The following SLC25A25 variants were observed in gnomAD, a reference collection of about 807,000 sequenced individuals.
SLC25A25 encodes mitochondrial adenyl nucleotide antiporter SLC25A25.
Under a neutral mutation model 57.7 loss-of-function variants are expected in SLC25A25, and 32 were observed. That is an observed-to-expected ratio of 0.55 (90% CI 0.42 to 0.74). SLC25A25 has a LOEUF of 0.74. Ranked by LOEUF, SLC25A25 falls within the 30% of genes least tolerant of loss-of-function variation. The pLI, the probability that SLC25A25 is intolerant of heterozygous loss-of-function variation, is 0.00. For missense variants in SLC25A25, 556 were observed against 701.3 expected (o/e 0.79, Z 2.34); for synonymous variants, 306 against 291.2 (o/e 1.05, Z -0.52).
chr9:128,078,740 A>C (rs976389154), intron 1 of SLC25A25, among the ~76,000 whole-genome samples: 1 of 152,182 alleles, frequency 6.6e-6, no homozygotes, highest in Non-Finnish European at 1.5e-5. Flanking sequence ...ACTAACCAGC[A>C]TTACTTTGCA....
intron 1 of SLC25A25, among the ~76,000 whole-genome samples, chr9:128,083,379 C>G (rs1833198891): frequency 6.6e-6 from 1 of 151,928 alleles, no homozygotes; most frequent in African/African-American, 2.4e-5. Flanking sequence ...CAGTCCTCAT[C>G]AAATCAATCA....
intron 1 of SLC25A25, among the ~76,000 whole-genome samples, chr9:128,093,918 G>A (rs1422572850): frequency 6.6e-6 from 1 of 152,182 alleles, no homozygotes; most frequent in East Asian, 1.9e-4. Flanking sequence ...GGGAGTCTGA[G>A]GTGGACAGAT....
chr9:128,069,221 C>T (rs1832847805), intron 1 of SLC25A25, among the ~76,000 whole-genome samples: 4 of 152,084 alleles, frequency 2.6e-5, no homozygotes, highest in African/African-American at 7.2e-5. Context: ...AAAGTCAAAG[C>T]GAGATTGTTA....
At chr9:128,104,866 T>C (rs962315228) in intron 6 of SLC25A25, among the ~76,000 whole-genome samples, 2 of 143,242 alleles carry the variant, frequency 1.4e-5, no homozygotes, top group African/African-American at 5.1e-5. Flanking sequence ...ATTATTATTA[T>C]TATATTTTTT....
chr9:128,087,263 A>G (rs969415284), intron 1 of SLC25A25, among the ~76,000 whole-genome samples: 1 of 151,678 alleles, frequency 6.6e-6, no homozygotes, highest in Admixed American at 6.6e-5. Flanking sequence ...ATTTTATTGT[A>G]TTTTATTTTT....
rs1588778869 is a variant in SLC25A25 at position 128,099,144 on chromosome 9, T to A, written c.262-1952T>A. ...TGTGGGGGTGAGGGAGCCTCCCGCC[T>A]TCTCGACTCTCAGACATCGCTGTGG... On this transcript the variant is annotated intron_variant, in intron 1 of 10. Coordinates refer to ENST00000373069, the MANE Select transcript of SLC25A25 (RefSeq NM_001330988.2). The surrounding 1 kb of genome is among the most constrained non-coding windows in gnomAD (Gnocchi z 6.8). The A allele has an allele frequency of 8.2e-7, 1 of 1,224,750 alleles. No homozygotes were observed. Among genetic ancestry groups the A allele is most frequent in the East Asian group, 6.1e-5 (1 of 16,412 alleles). 75.9% of individuals were successfully genotyped at this position (1,224,750 alleles called of 1,614,324 possible). A position where few individuals can be genotyped will look rare whatever the true frequency, so the allele number is the denominator to read the frequency against.
At chr9:128,090,748 G>T (rs1420017275) in intron 1 of SLC25A25, among the ~76,000 whole-genome samples, 1 of 152,170 alleles carries the variant, frequency 6.6e-6, no homozygotes, top group Non-Finnish European at 1.5e-5. Flanking sequence ...GGAGGTGGAG[G>T]TTGCGTTGAG....
intron 1 of SLC25A25, chr9:128,098,608 C>G (rs1172965253): frequency 6.2e-7 from 1 of 1,614,112 alleles, no homozygotes; most frequent in East Asian, 2.2e-5. Flanking sequence ...TCGGGGAAGC[C>G]CAGACCGAGT....
intron 1 of SLC25A25, among the ~76,000 whole-genome samples, chr9:128,070,502 A>G (rs1832881381): frequency 6.6e-6 from 1 of 151,294 alleles, no homozygotes; most frequent in African/African-American, 2.4e-5. Flanking sequence ...CGGCCTCCCA[A>G]AGTGTTGGGA....
Position 128,102,814 on chromosome 9 carries a change from A to G in SLC25A25, c.624+333A>G, listed in dbSNP as rs2130821021. The stretch of plus-strand genomic sequence containing the variant: ...TGTCTGTTCTCCCAAAGCTGGTATG[A>G]GCCTTCCCCCCGGTGGGAGGGGGCT... On this transcript the variant is annotated intron_variant, in intron 5 of 10. Coordinates refer to ENST00000373069, the MANE Select transcript of SLC25A25 (RefSeq NM_001330988.2). This position sits in a 1 kb window ranked among gnomAD's most constrained non-coding sequence, Gnocchi z 4.1. 6.6e-6 allele frequency among the ~76,000 whole-genome samples: 1 copy of G among 152,238 alleles called. No homozygotes were observed. The highest frequency in any genetic ancestry group is 1.9e-4 in the East Asian group (1 of 5,180).
intron 1 of SLC25A25, chr9:128,094,539 A>G (rs1313596961): frequency 2.6e-5 from 4 of 152,196 alleles, no homozygotes; most frequent in Non-Finnish European, 5.9e-5. Context: ...ACAGCCGCCA[A>G]TGAGGTTTGA....
chr9:128,090,269 A>G (rs942902736), intron 1 of SLC25A25, among the ~76,000 whole-genome samples: 1 of 152,028 alleles, frequency 6.6e-6, no homozygotes, highest in Middle Eastern at 3.4e-3. Context: ...CTGGAGTGCA[A>G]TGGTGCAATC....
intron 1 of SLC25A25, among the ~76,000 whole-genome samples, chr9:128,070,236 G>A (rs1165614464): frequency 6.6e-6 from 1 of 151,520 alleles, no homozygotes; most frequent in African/African-American, 2.4e-5. Context: ...GACTACAGGT[G>A]CCCGCCACCA....
intron 1 of SLC25A25, chr9:128,098,578 G>A: frequency 1.2e-6 from 2 of 1,614,074 alleles, no homozygotes; most frequent in Non-Finnish European, 1.7e-6. Context: ...TGCTCTGTCT[G>A]TGCCTGTATG....
Position 128,094,888 on chromosome 9 carries a change from T to TG in SLC25A25, c.262-6207dup, listed in dbSNP as rs542455159. Among the ~76,000 whole-genome samples the TG allele has an allele frequency of 7.9e-5, 12 of 152,338 alleles. No homozygotes were observed. In the East Asian group the frequency reaches 2.3e-3, roughly 29 times the overall value. ...CACTGAATCCTAAGGGACCTAGTGT[T>TG]GCTGTCACTGTTTCCGAATACTAGT... On this transcript the variant is annotated intron_variant, in intron 1 of 10. Coordinates refer to ENST00000373069, the MANE Select transcript of SLC25A25 (RefSeq NM_001330988.2).
Position 128,102,484 on chromosome 9 carries a change from G to A in SLC25A25, c.624+3G>A. 2 of 1,611,626 alleles carry A rather than the reference G, an allele frequency of 1.2e-6. No individual in the cohort carries two copies. Among genetic ancestry groups the A allele is most frequent in the South Asian group, 2.2e-5 (2 of 90,914 alleles). ...TCCTCTACTGGAAGCATTCCACGGT[G>A]AGCCCCACGTGCCCAGGGCCCTCAT... is the stretch of plus-strand genomic sequence containing the variant. On this transcript the variant is annotated splice_donor_region_variant and intron_variant, in intron 5 of 10. Transcript: ENST00000373069. This position sits in a 1 kb window ranked among gnomAD's most constrained non-coding sequence, Gnocchi z 4.1.
chr9:128,075,529 A>T (rs958005470), intron 1 of SLC25A25, among the ~76,000 whole-genome samples: 6 of 152,050 alleles, frequency 3.9e-5, no homozygotes, highest in African/African-American at 1.4e-4. Flanking sequence ...GTTTTTTATA[A>T]AATAAAAAAA....
chr9:128,108,887 T>C lies in SLC25A25; in HGVS notation c.*1443T>C, dbSNP rs1238793530. On this transcript the variant is annotated 3_prime_UTR_variant, in exon 11 of 11. Coordinates refer to ENST00000373069, the MANE Select transcript of SLC25A25 (RefSeq NM_001330988.2). ...ACCTTGAAGGTGGAATCCAGTTATT[T>C]CCTGCGCTGCGAGGGTTTCTTTATT... The C allele has an allele frequency of 6.6e-6, 1 of 152,054 alleles. No homozygotes were observed. Among genetic ancestry groups the C allele is most frequent in the Non-Finnish European group, 1.5e-5 (1 of 68,016 alleles). The allele number at this position is 152,054 out of a possible 1,614,324, so 9.4% of individuals were successfully genotyped here.
Position 128,102,085 on chromosome 9 carries a change from G to A in SLC25A25, c.482G>A (p.Arg161Gln), listed in dbSNP as rs776167122. ...QQAEKILKRI[R>Q]TGHFWGPVTY... ...ATCCTTTGTCTGTCTGTCAGAATAC[G>A]AACGGGCCATTTCTGGGGCCCTGTC... Residue 161 changes from arginine to glutamine, a missense_variant, in exon 4 of 11, where the codon CGA becomes CAA. Coordinates refer to ENST00000373069, the MANE Select transcript of SLC25A25 (RefSeq NM_001330988.2). This position sits in a 1 kb window ranked among gnomAD's most constrained non-coding sequence, Gnocchi z 4.1. The A allele has an allele frequency of 1.7e-5, 26 of 1,550,444 alleles. No individual in the cohort carries two copies. The Admixed American group carries it at 2.2e-4, about 13-fold the overall frequency.
Sources: gnomAD v4.1 joint callset for allele counts (sites outside exome capture counted in the v4.1 genomes callset) on GRCh38, gnomAD v4.1.1 for gene constraint, Gnocchi (gnomAD v3.1) non-coding constraint, MANE v1.5 for transcripts, NCBI Gene and HGNC (gene_info 2026-07-23, HGNC 2026-07-21) for gene names.